The following PCDHA4 variants were observed in gnomAD, a reference collection of about 807,000 sequenced individuals.
PCDHA4 encodes protocadherin alpha 4, also known as protocadherin alpha-4.
PCDHA4 carries 49 observed loss-of-function variants against 61.4 expected under a neutral mutation model. The ratio of observed to expected loss-of-function variants is 0.80; its 90% confidence interval spans 0.63 to 1.01. The LOEUF is 1.01. Ranked by LOEUF, PCDHA4 falls within the 50% of genes least tolerant of loss-of-function variation. PCDHA4 has a pLI of 0.00. For missense variants in PCDHA4, 1,254 were observed against 1,235.8 expected (o/e 1.01, Z -0.22); for synonymous variants, 590 against 550.3 (o/e 1.07, Z -1.01).
intron 1 of PCDHA4, among the ~76,000 whole-genome samples, chr5:140,890,392 T>C (rs2062624449): frequency 6.6e-6 from 1 of 152,212 alleles, no homozygotes; most frequent in Admixed American, 6.5e-5. Flanking sequence ...TTAGATAATC[T>C]ATAAATTTTA....
At chr5:140,850,196 A>G (rs1367952118) in intron 1 of PCDHA4, 1 of 1,592,698 alleles carries the variant, frequency 6.3e-7, no homozygotes, top group East Asian at 2.2e-5. Context: ...CGCTGCTGAC[A>G]CCTCGGATGA....
At chr5:140,819,185 T>A (rs1365698503) in intron 1 of PCDHA4, among the ~76,000 whole-genome samples, 2 of 152,188 alleles carry the variant, frequency 1.3e-5, no homozygotes, top group African/African-American at 4.8e-5. Context: ...AAATGACATA[T>A]GTGCATAAAT....
chr5:140,996,976 G>T (rs573896136), intron 3 of PCDHA4, among the ~76,000 whole-genome samples: 1 of 151,960 alleles, frequency 6.6e-6, no homozygotes, highest in Non-Finnish European at 1.5e-5. Context: ...CTCCCCTTTG[G>T]TGAAGCAACC....
chr5:140,834,297 C>A, intron 1 of PCDHA4: 1 of 1,251,394 alleles, frequency 8.0e-7, no homozygotes, highest in Non-Finnish European at 1.1e-6. Context: ...AATGGCCACA[C>A]ATCGAGATTG....
At chr5:140,892,480 CA>C (rs1484176083) in intron 1 of PCDHA4, among the ~76,000 whole-genome samples, 14 of 152,110 alleles carry the variant, frequency 9.2e-5, no homozygotes, top group Non-Finnish European at 1.8e-4. Context: ...GTTTCCTAGC[CA>C]AACATGAGAG....
At chr5:140,908,578 G>C (rs2074039304) in intron 1 of PCDHA4, among the ~76,000 whole-genome samples, 1 of 152,196 alleles carries the variant, frequency 6.6e-6, no homozygotes, top group South Asian at 2.1e-4. Flanking sequence ...CAAAAGGAGA[G>C]TAGTTAGCTG....
At chr5:140,969,963 AT>A (rs2096372822) in intron 1 of PCDHA4, among the ~76,000 whole-genome samples, 1 of 152,204 alleles carries the variant, frequency 6.6e-6, no homozygotes. Context: ...CTTTGGCTGT[AT>A]GATGTGGCAA....
intron 1 of PCDHA4, chr5:140,814,541 A>G (rs2126656456): frequency 1.5e-4 from 23 of 152,116 alleles, no homozygotes; most frequent in African/African-American, 4.6e-4. Flanking sequence ...TAAAGCAGTA[A>G]CATTTACTAT....
intron 1 of PCDHA4, among the ~76,000 whole-genome samples, chr5:140,821,352 AG>A (rs1766954073): frequency 6.6e-6 from 1 of 152,224 alleles, no homozygotes; most frequent in Non-Finnish European, 1.5e-5. Flanking sequence ...TCATGACTTT[AG>A]ATGTATTTTT....
intron 1 of PCDHA4, among the ~76,000 whole-genome samples, chr5:140,938,027 T>C (rs1372788447): frequency 6.6e-6 from 1 of 152,220 alleles, no homozygotes; most frequent in Non-Finnish European, 1.5e-5. Flanking sequence ...TAAAATCTCA[T>C]ATTTTTATAT....
intron 3 of PCDHA4, among the ~76,000 whole-genome samples, chr5:140,993,470 ACAC>A: frequency 8.7e-6 from 1 of 115,268 alleles, no homozygotes; most frequent in South Asian, 2.9e-4. Context: ...TCTCACACAC[ACAC>A]ACACACACAC....
intron 1 of PCDHA4, chr5:140,883,919 C>T (rs1554180590): frequency 1.2e-6 from 2 of 1,613,316 alleles, no homozygotes; most frequent in Non-Finnish European, 8.5e-7. Flanking sequence ...CAACGTGACG[C>T]TGCAGGTGTT....
In PCDHA4 at chr5:140,807,236, T is replaced by C. The variant is rs1763867080; in HGVS notation, c.49T>C (p.Leu17=). 6.2e-7 allele frequency: 1 copy of C among 1,614,204 alleles called. No individual in the cohort carries two copies. Among genetic ancestry groups the C allele is most frequent in the Non-Finnish European group, 8.5e-7 (1 of 1,180,016 alleles). The stretch of plus-strand genomic sequence containing the variant: ...CCAGGAATCCCGGCGTCTGCTGCTC[T>C]TACTTCTTCTCCTCGCAGCCTGGGA... ...SGQESRRLLL[L]LLLLAAWEAG... is the part of the protein sequence containing the mutation. Residue 17 remains leucine (L), a synonymous_variant, in exon 1 of 4, where the codon TTA becomes CTA. Coordinates refer to ENST00000530339, the MANE Select transcript of PCDHA4 (RefSeq NM_018907.4).
chr5:140,869,580 T>C (rs1325973038), intron 1 of PCDHA4: 4 of 1,614,046 alleles, frequency 2.5e-6, no homozygotes, highest in Non-Finnish European at 3.4e-6. Flanking sequence ...GAGCTTCTGA[T>C]GCTGACATTG....
At position 140,884,423 on chromosome 5, in the gene PCDHA4, A is replaced by G. The variant is rs2060160830; in HGVS notation, c.2385+74851A>G. The G allele has an allele frequency of 1.2e-6, 2 of 1,613,932 alleles. No individual in the cohort carries two copies. Among genetic ancestry groups the G allele is most frequent in the African/African-American group, 1.3e-5 (1 of 75,050 alleles). On this transcript the variant is annotated intron_variant, in intron 1 of 3. Coordinates refer to ENST00000530339, the MANE Select transcript of PCDHA4 (RefSeq NM_018907.4). ...GTTGGTGCTCACGTTGCTGCTGTAT[A>G]CTGCGCTGCGGTGCTCGGCACCGCC...
chr5:140,878,790 CTT>C (rs2057728380), intron 1 of PCDHA4, among the ~76,000 whole-genome samples: 1 of 152,154 alleles, frequency 6.6e-6, no homozygotes. Context: ...TGTTCAATCA[CTT>C]TTTAAAAACA....
chr5:140,836,027 C>T (rs2150251000), intron 1 of PCDHA4: 4 of 1,613,456 alleles, frequency 2.5e-6, no homozygotes, highest in East Asian at 4.5e-5. Flanking sequence ...TGGGCAGCAA[C>T]GTGACGCTGC....
intron 1 of PCDHA4, among the ~76,000 whole-genome samples, chr5:140,946,611 A>AAT (rs1554217734): frequency 0.018 from 1,579 of 86,716 alleles, 89 homozygotes; most frequent in African/African-American, 0.026. Flanking sequence ...GAAAATGTGA[A>AAT]ATATATATAT....
intron 1 of PCDHA4, among the ~76,000 whole-genome samples, chr5:140,944,016 A>G (rs2093596830): frequency 6.6e-6 from 1 of 152,182 alleles, no homozygotes; most frequent in Non-Finnish European, 1.5e-5. Flanking sequence ...CCCAAAAGCA[A>G]TTATCTTCAA....
Sources: allele counts gnomAD v4.1 joint callset (sites outside exome capture counted in the v4.1 genomes callset), GRCh38; gene constraint gnomAD v4.1.1; transcripts MANE v1.5; gene names NCBI Gene and HGNC (gene_info 2026-07-23, HGNC 2026-07-21).